MYO5A: variants seen among roughly 807,000 people sequenced by gnomAD.
The protein encoded by MYO5A is myosin VA.
In MYO5A, 98 loss-of-function variants were observed where a neutral mutation model predicts 249.7. The ratio of observed to expected loss-of-function variants is 0.39; its 90% confidence interval spans 0.33 to 0.46. MYO5A has a LOEUF of 0.46. Among genes scored for constraint, MYO5A ranks in the 20% least tolerant of loss-of-function variants. MYO5A has a pLI of 0.98. For synonymous variants in MYO5A, 778 were observed against 810.6 expected (o/e 0.96, Z 0.68); for missense variants, 1,696 against 2,308.8 (o/e 0.73, Z 5.44).
intron 38 of MYO5A, among the ~76,000 whole-genome samples, chr15:52,321,012 CAA>C (rs202041721): frequency 2.2e-4 from 20 of 89,138 alleles, no homozygotes; most frequent in Admixed American, 2.5e-4. Context: ...GACTCTGTCT[CAA>C]AAAAAAAAAA....
Position 52,413,095 on chromosome 15 carries a change from T to C in MYO5A, c.613-2619A>G, listed in dbSNP as rs1022433581. On this transcript the variant is annotated intron_variant, in intron 5 of 41. Transcript: ENST00000399233. ...CCAGGAGGTGGAGGCTGCAGTGAGC[T>C]GAGATCATGCCATTGCACTGCAGCC... 4.9e-5 allele frequency among the ~76,000 whole-genome samples: 7 copies of C among 143,256 alleles called. No individual in the cohort carries two copies. In the Admixed American group the frequency reaches 5.3e-4, roughly 11 times the overall value. The allele number at this position is 143,256 out of a possible 152,430, so 94.0% of individuals were successfully genotyped here. A position where few individuals can be genotyped will look rare whatever the true frequency, so the allele number is the denominator to read the frequency against.
intron 41 of MYO5A, 27 bp from the exon 42 acceptor site, chr15:52,313,875 CAG>C: frequency 6.2e-7 from 1 of 1,612,358 alleles, no homozygotes; most frequent in Non-Finnish European, 8.5e-7. Context: ...AAAAAATAAA[CAG>C]AGCATCAGTT....
intron 31 of MYO5A, among the ~76,000 whole-genome samples, chr15:52,341,501 AC>A (rs2039383163): frequency 1.3e-5 from 2 of 152,186 alleles, no homozygotes; most frequent in Non-Finnish European, 2.9e-5. Context: ...TTTGCCACGC[AC>A]CCCTGCTTCT....
At chr15:52,448,930 CT>C (rs778732528) in intron 1 of MYO5A, among the ~76,000 whole-genome samples, 134 of 40,248 alleles carry the variant, frequency 3.3e-3, no homozygotes, top group Non-Finnish European at 4.6e-3. Context: ...TCAGGTATTT[CT>C]TTTTTTTTTT....
At chr15:52,332,913 C>T (rs140017866) in intron 34 of MYO5A, among the ~76,000 whole-genome samples, 40 of 152,198 alleles carry the variant, frequency 2.6e-4, no homozygotes, top group African/African-American at 7.9e-4. Flanking sequence ...TGCAGTGAGC[C>T]GAGATCACGC....
chr15:52,447,697 G>A (rs2075921709), intron 1 of MYO5A, among the ~76,000 whole-genome samples: 1 of 152,246 alleles, frequency 6.6e-6, no homozygotes, highest in South Asian at 2.1e-4. Context: ...AGGCAAGGCT[G>A]AGAGGGTCTC....
chr15:52,357,685 G>C (rs2040313481), intron 25 of MYO5A, among the ~76,000 whole-genome samples: 1 of 152,124 alleles, frequency 6.6e-6, no homozygotes, highest in Non-Finnish European at 1.5e-5. Flanking sequence ...GAGCCCGGAT[G>C]ACACATCTAA....
intron 41 of MYO5A, 55 bp from the exon 42 acceptor site, chr15:52,313,903 A>C (rs1024365939): frequency 2.5e-6 from 4 of 1,588,554 alleles, no homozygotes; most frequent in Non-Finnish European, 3.4e-6. Flanking sequence ...AATCTAAAAG[A>C]CTTTTTTCTA....
rs1399601846 is a variant in MYO5A, at chr15:52,355,330, T to C, written c.3424-1316A>G. Among the ~76,000 whole-genome samples the C allele has an allele frequency of 3.9e-5, 6 of 152,052 alleles. No homozygotes were observed. In the East Asian group the frequency reaches 1.2e-3, roughly 29 times the overall value. On this transcript the variant is annotated intron_variant, in intron 25 of 41. Transcript: ENST00000399233. ...CAAAAATATTCCCCCCCAAAAAAAC[T>C]CCCAAACAATAAAAATGAAAATGAT...
intron 21 of MYO5A, among the ~76,000 whole-genome samples, chr15:52,371,034 G>A: frequency 6.6e-6 from 1 of 151,816 alleles, no homozygotes; most frequent in East Asian, 1.9e-4. Flanking sequence ...GATCACTTGA[G>A]CCCAGGAGTT....
chr15:52,359,371 T>G (rs2040407579), intron 25 of MYO5A, among the ~76,000 whole-genome samples: 1 of 152,226 alleles, frequency 6.6e-6, no homozygotes, highest in Non-Finnish European at 1.5e-5. Context: ...CACTATACTC[T>G]TGGAGTTACA....
At chr15:52,485,270 A>C (rs2076795714) in intron 1 of MYO5A, among the ~76,000 whole-genome samples, 1 of 151,300 alleles carries the variant, frequency 6.6e-6, no homozygotes, top group African/African-American at 2.4e-5. Flanking sequence ...AAAAAAAAAA[A>C]AAAAAAAAAC....
intron 20 of MYO5A, 84 bp downstream of exon 20, chr15:52,375,220 G>C: frequency 7.1e-7 from 1 of 1,407,226 alleles, no homozygotes; most frequent in Non-Finnish European, 1.0e-6. Flanking sequence ...TACCTTCATT[G>C]TAGCCCCTGT....
Position 52,425,989 on chromosome 15 carries a change from G to A in MYO5A, c.311-15C>T. 6.2e-7 allele frequency: 1 copy of A among 1,610,398 alleles called. No individual in the cohort carries two copies. The highest frequency in any genetic ancestry group is 1.1e-5 in the South Asian group (1 of 90,936). ...TAGGACTATACCTGGGAATAGGGTAGGGGACAAGAAAGAAAAAGAAGTCAA... is the reference window on the plus strand; with the variant it reads ...TAGGACTATACCTGGGAATAGGGTAAGGGACAAGAAAGAAAAAGAAGTCAA... On this transcript the variant is annotated splice_polypyrimidine_tract_variant and intron_variant, in intron 3 of 41. Transcript: ENST00000399233.
intron 1 of MYO5A, among the ~76,000 whole-genome samples, chr15:52,458,318 G>C (rs867772228): frequency 6.6e-6 from 1 of 152,188 alleles, no homozygotes; most frequent in Non-Finnish European, 1.5e-5. Context: ...GCTCATGCCT[G>C]TAATCCCAGC....
chr15:52,329,684 T>A (rs1881058016), intron 35 of MYO5A, among the ~76,000 whole-genome samples: 1 of 152,202 alleles, frequency 6.6e-6, no homozygotes, highest in Non-Finnish European at 1.5e-5. Flanking sequence ...TTCAGGAACC[T>A]AAACGGCCTA....
intron 6 of MYO5A, among the ~76,000 whole-genome samples, chr15:52,408,979 T>C (rs531124728): frequency 2.0e-5 from 3 of 152,118 alleles, no homozygotes; most frequent in Non-Finnish European, 4.4e-5. Flanking sequence ...ACACAGAAAC[T>C]AGAAAAGCCT....
At chr15:52,398,556 C>T (rs1219846147) in intron 9 of MYO5A, among the ~76,000 whole-genome samples, 2 of 152,218 alleles carry the variant, frequency 1.3e-5, no homozygotes, top group African/African-American at 4.8e-5. Context: ...CTAGACTCTT[C>T]ACACTCAAGC....
intron 22 of MYO5A, 71 bp from the exon 23 acceptor site, chr15:52,367,195 C>G (rs1375320945): frequency 7.8e-7 from 1 of 1,286,756 alleles, no homozygotes; most frequent in Non-Finnish European, 1.1e-6. Context: ...GGATAAAGAC[C>G]ATAAGCAGTC....
Sources: allele counts gnomAD v4.1 joint callset (sites outside exome capture counted in the v4.1 genomes callset), GRCh38; gene constraint gnomAD v4.1.1; transcripts MANE v1.5; gene names NCBI Gene and HGNC (gene_info 2026-07-23, HGNC 2026-07-21).